Variants in PEX5L observed in about 807,000 individuals in gnomAD.
PEX5L encodes the protein peroxisomal biogenesis factor 5 like.
In PEX5L, 30 loss-of-function variants were observed where a neutral mutation model predicts 84.0. That is an observed-to-expected ratio of 0.36 (90% CI 0.27 to 0.48). The LOEUF (loss-of-function observed/expected upper bound fraction) is 0.48, where lower values mean the gene tolerates loss of function less well. Among genes scored for constraint, PEX5L ranks in the 20% least tolerant of loss-of-function variants. PEX5L has a pLI of 0.99. For synonymous variants in PEX5L, 270 were observed against 283.1 expected (o/e 0.95, Z 0.46); for missense variants, 533 against 754.6 (o/e 0.71, Z 3.44).
At chr3:179,815,659 T>C in intron 10 of PEX5L, among the ~76,000 whole-genome samples, 1 of 152,252 alleles carries the variant, frequency 6.6e-6, no homozygotes, top group Non-Finnish European at 1.5e-5. Context: ...TCTTTATTTA[T>C]AGGCACTGTA....
At chr3:179,930,494 TG>T (rs1483422260) in intron 2 of PEX5L, among the ~76,000 whole-genome samples, 2 of 152,224 alleles carry the variant, frequency 1.3e-5, no homozygotes, top group Non-Finnish European at 2.9e-5. Flanking sequence ...AACTGAAGTT[TG>T]TGGTGCTCCA....
At chr3:180,035,054 A>G (rs1791777827) in intron 1 of PEX5L, among the ~76,000 whole-genome samples, 1 of 152,196 alleles carries the variant, frequency 6.6e-6, no homozygotes, top group Admixed American at 6.5e-5. Flanking sequence ...AATACTGTGC[A>G]AAGTTTTTGT....
intron 3 of PEX5L, among the ~76,000 whole-genome samples, chr3:179,895,167 C>T (rs562419712): frequency 1.3e-5 from 2 of 151,916 alleles, no homozygotes; most frequent in South Asian, 4.2e-4. Flanking sequence ...TTGATTTAGC[C>T]AATATATCAA....
intron 8 of PEX5L, among the ~76,000 whole-genome samples, chr3:179,824,008 G>A (rs1311601205): frequency 6.6e-6 from 1 of 151,800 alleles, no homozygotes; most frequent in Non-Finnish European, 1.5e-5. Flanking sequence ...TTTTTTGATT[G>A]TAAAACTGGA....
intron 2 of PEX5L, among the ~76,000 whole-genome samples, chr3:179,909,675 G>C (rs768264720): frequency 2.6e-5 from 4 of 152,212 alleles, no homozygotes; most frequent in Non-Finnish European, 5.9e-5. Context: ...ATTTAAGACT[G>C]TGACTGTGTT....
intron 8 of PEX5L, among the ~76,000 whole-genome samples, chr3:179,834,441 G>T (rs1560294913): frequency 6.6e-6 from 1 of 152,230 alleles, no homozygotes; most frequent in Non-Finnish European, 1.5e-5. Context: ...CATCCATCAA[G>T]CCCAGAGAGC....
At chr3:179,882,361 G>T (rs1000872119) in intron 4 of PEX5L, among the ~76,000 whole-genome samples, 1 of 152,142 alleles carries the variant, frequency 6.6e-6, no homozygotes, top group African/African-American at 2.4e-5. Context: ...GGCTCAGTAA[G>T]GTTCTTTCCC....
chr3:180,005,514 G>C (rs1170315844), intron 1 of PEX5L, among the ~76,000 whole-genome samples: 2 of 152,298 alleles, frequency 1.3e-5, no homozygotes, highest in African/African-American at 4.8e-5. Context: ...GGATCACGAG[G>C]TCAAGAGATC....
intron 1 of PEX5L, among the ~76,000 whole-genome samples, chr3:180,002,587 G>A (rs1422242510): frequency 6.6e-6 from 1 of 152,056 alleles, no homozygotes; most frequent in Non-Finnish European, 1.5e-5. Context: ...CAATTTGTGA[G>A]AACTTTTTGT....
intron 14 of PEX5L, among the ~76,000 whole-genome samples, chr3:179,802,642 T>G (rs1719491470): frequency 6.6e-6 from 1 of 152,100 alleles, no homozygotes; most frequent in East Asian, 1.9e-4. Flanking sequence ...CATTAATGCA[T>G]TCGATTTTCC....
At position 179,801,638 on chromosome 3, in the gene PEX5L, T is replaced by C; in HGVS notation, c.*190A>G. 1.7e-6 allele frequency: 1 copy of C among 589,014 alleles called. No homozygotes were observed. The highest frequency in any genetic ancestry group is 2.8e-5 in the East Asian group (1 of 35,632). The allele number at this position is 589,014 out of a possible 1,614,324, so 36.5% of individuals were successfully genotyped here. A position where few individuals can be genotyped will look rare whatever the true frequency, so the allele number is the denominator to read the frequency against. On this transcript the variant is annotated 3_prime_UTR_variant, in exon 15 of 15. Coordinates refer to ENST00000467460, the MANE Select transcript of PEX5L (RefSeq NM_016559.3). ...TTTTGAGCCTGACTTTGACTCTATATACAACATTTTGTGCTTTTGGATCTG... is the reference window on the plus strand; with the variant it reads ...TTTTGAGCCTGACTTTGACTCTATACACAACATTTTGTGCTTTTGGATCTG...
intron 8 of PEX5L, among the ~76,000 whole-genome samples, chr3:179,840,657 A>C (rs988817707): frequency 1.3e-5 from 2 of 152,124 alleles, no homozygotes; most frequent in Non-Finnish European, 2.9e-5. Context: ...GTATGGATTA[A>C]GGTTTGAGCA....
At chr3:179,836,102 GT>G (rs1396384433) in intron 8 of PEX5L, among the ~76,000 whole-genome samples, 1 of 152,042 alleles carries the variant, frequency 6.6e-6, no homozygotes, top group African/African-American at 2.4e-5. Flanking sequence ...CTTATTTTAG[GT>G]TTTCCCCTTA....
intron 1 of PEX5L, among the ~76,000 whole-genome samples, chr3:180,005,268 T>G (rs897738824): frequency 2.6e-5 from 4 of 152,090 alleles, no homozygotes; most frequent in Non-Finnish European, 5.9e-5. Flanking sequence ...TTATTTTTTT[T>G]TGTTTGTTTT....
At chr3:179,876,369 T>C (rs1393430031) in intron 5 of PEX5L, among the ~76,000 whole-genome samples, 1 of 151,844 alleles carries the variant, frequency 6.6e-6, no homozygotes, top group African/African-American at 2.4e-5. Context: ...TGGTGGTGCA[T>C]GCCTGTAATC....
At chr3:179,813,440 G>A (rs2048494) in intron 10 of PEX5L, among the ~76,000 whole-genome samples, 40,926 of 152,010 alleles carry the variant, frequency 0.27, 6,915 homozygotes, top group East Asian at 0.72. Context: ...ATTTTTAGGG[G>A]GTGGCCTATA....
At chr3:179,935,536 C>T (rs1313500100) in intron 2 of PEX5L, among the ~76,000 whole-genome samples, 1 of 152,038 alleles carries the variant, frequency 6.6e-6, no homozygotes, top group Non-Finnish European at 1.5e-5. Context: ...TTGTATTTTT[C>T]TGTTGTTTAT....
In PEX5L at chr3:179,807,695, C is replaced by T; in HGVS notation, c.1655G>A (p.Cys552Tyr). ...TCACCTGTAGGCGCCCAGGTTGATG[C>T]AGCTTATTCCTAGGTTGTATCTGGA... ...IRSRYNLGIS[C>Y]INLGAYREAV... Residue 552 changes from cysteine (C) to tyrosine (Y), a missense_variant, in exon 14 of 15, where the codon TGC becomes TAC. By Grantham distance (194) the Cys-to-Tyr change is radical. Coordinates refer to ENST00000467460, the MANE Select transcript of PEX5L (RefSeq NM_016559.3). 6.2e-7 allele frequency: 1 copy of T among 1,614,128 alleles called. No homozygotes were observed. The highest frequency in any genetic ancestry group is 1.3e-5 in the African/African-American group (1 of 75,074).
chr3:179,844,629 C>A (rs1042736591), intron 8 of PEX5L, among the ~76,000 whole-genome samples: 1 of 152,052 alleles, frequency 6.6e-6, no homozygotes, highest in African/African-American at 2.4e-5. Context: ...AAGATCGAGA[C>A]CATCCTGGCT....
Sources: gnomAD v4.1 joint callset for allele counts (sites outside exome capture counted in the v4.1 genomes callset) on GRCh38, gnomAD v4.1.1 for gene constraint, MANE v1.5 for transcripts, NCBI Gene and HGNC (gene_info 2026-07-23, HGNC 2026-07-21) for gene names.